SCMH1: variants seen among roughly 807,000 people sequenced by gnomAD.
SCMH1 encodes Scm polycomb group protein homolog 1.
Under a neutral mutation model 70.8 loss-of-function variants are expected in SCMH1, and 37 were observed. The observed-to-expected ratio is 0.52, with a 90% confidence interval of 0.40 to 0.69. The LOEUF (loss-of-function observed/expected upper bound fraction) is 0.69. Ranked by LOEUF, SCMH1 falls within the 30% of genes least tolerant of loss-of-function variation. The pLI, the probability that SCMH1 is intolerant of heterozygous loss-of-function variation, is 0.00. For missense variants in SCMH1, 607 were observed against 827.3 expected (o/e 0.73, Z 3.27); for synonymous variants, 292 against 307.4 (o/e 0.95, Z 0.52).
At chr1:41,059,646 G>A (rs1041837970) in intron 10 of SCMH1, among the ~76,000 whole-genome samples, 3 of 152,342 alleles carry the variant, frequency 2.0e-5, no homozygotes, top group Middle Eastern at 3.4e-3. Context: ...AGAGGGCACT[G>A]AGCTGGTTTA....
At chr1:41,036,671 A>G (rs562719039) in intron 13 of SCMH1, among the ~76,000 whole-genome samples, 3 of 152,350 alleles carry the variant, frequency 2.0e-5, no homozygotes, top group African/African-American at 4.8e-5. Context: ...AAGGTCTTCT[A>G]TGATATATGC....
At chr1:41,142,857 A>G (rs113954665) in intron 6 of SCMH1, 21 bp downstream of exon 6, 33 of 1,584,692 alleles carry the variant, frequency 2.1e-5, no homozygotes, top group Non-Finnish European at 6.1e-6. Flanking sequence ...GGCTAGAAAG[A>G]GTTTGGGTTT....
chr1:41,175,259 G>A (rs543179621), intron 2 of SCMH1, among the ~76,000 whole-genome samples: 30 of 152,272 alleles, frequency 2.0e-4, no homozygotes, highest in African/African-American at 5.8e-4. Context: ...GAATTATCTC[G>A]TTTCTTGAGC....
intron 1 of SCMH1, among the ~76,000 whole-genome samples, chr1:41,217,966 T>C (rs1024267665): frequency 2.0e-5 from 3 of 152,210 alleles, no homozygotes; most frequent in African/African-American, 4.8e-5. Context: ...TATCTTACCA[T>C]TGTATCTTGG....
Position 41,172,986 on chromosome 1 carries a change from GA to G in SCMH1, c.14-11555del, listed in dbSNP as rs371433309. The stretch of plus-strand genomic sequence containing the variant: ...AAGGCCTGAAACTATAAAACTACTA[GA>G]AAAAAAATGTAGGAGAAATGCTTCA... On this transcript the variant is annotated intron_variant, in intron 2 of 14. Transcript: ENST00000337495. Among the ~76,000 whole-genome samples, 278 of 151,726 alleles carry G rather than the reference GA, an allele frequency of 1.8e-3. 2 individuals carry two copies. In the East Asian group the frequency reaches 0.033, roughly 18 times the overall value.
At chr1:41,067,762 G>A (rs1571740004) in intron 10 of SCMH1, among the ~76,000 whole-genome samples, 2 of 152,106 alleles carry the variant, frequency 1.3e-5, no homozygotes, top group Non-Finnish European at 2.9e-5. Flanking sequence ...CCCACAGAAC[G>A]TAAAACACCA....
chr1:41,033,030 G>A (rs999873322), intron 13 of SCMH1, among the ~76,000 whole-genome samples: 3 of 151,380 alleles, frequency 2.0e-5, no homozygotes, highest in African/African-American at 7.3e-5. Flanking sequence ...AGTGGCTCAT[G>A]CCTATAATCC....
At chr1:41,224,252 T>C (rs1272343098) in intron 1 of SCMH1, among the ~76,000 whole-genome samples, 2 of 152,230 alleles carry the variant, frequency 1.3e-5, no homozygotes, top group Admixed American at 6.5e-5. Context: ...TACTGTATTA[T>C]AATTTATTTG....
chr1:41,066,397 G>C (rs1341209022), intron 10 of SCMH1, among the ~76,000 whole-genome samples: 1 of 152,154 alleles, frequency 6.6e-6, no homozygotes, highest in Non-Finnish European at 1.5e-5. Flanking sequence ...ATCTCAGCCA[G>C]GTAGGCTGCT....
chr1:41,084,963 T>C (rs541948451), intron 8 of SCMH1, among the ~76,000 whole-genome samples: 1 of 119,738 alleles, frequency 8.4e-6, no homozygotes, highest in Non-Finnish European at 1.7e-5. Flanking sequence ...AATATCACAC[T>C]CTGGGGACTG....
intron 2 of SCMH1, among the ~76,000 whole-genome samples, chr1:41,173,344 T>C (rs1383200237): frequency 6.6e-6 from 1 of 151,936 alleles, no homozygotes; most frequent in Non-Finnish European, 1.5e-5. Context: ...GACATAGAAA[T>C]GGCTAACAGG....
chr1:41,130,292 GAT>G (rs1364651572), intron 6 of SCMH1, among the ~76,000 whole-genome samples: 2 of 152,042 alleles, frequency 1.3e-5, no homozygotes, highest in African/African-American at 2.4e-5. Flanking sequence ...CCCCTTATCA[GAT>G]ATATGTTTTG....
intron 8 of SCMH1, among the ~76,000 whole-genome samples, chr1:41,090,323 AT>A: frequency 6.6e-6 from 1 of 152,166 alleles, no homozygotes; most frequent in East Asian, 1.9e-4. Context: ...AAAGAACATT[AT>A]TTTATATTTT....
At chr1:41,053,188 G>A (rs1648914156) in intron 10 of SCMH1, among the ~76,000 whole-genome samples, 1 of 151,176 alleles carries the variant, frequency 6.6e-6, no homozygotes, top group South Asian at 2.1e-4. Context: ...CGGCCAAATT[G>A]TATGCTTAAG....
chr1:41,152,830 T>A, intron 4 of SCMH1: 1 of 1,309,380 alleles, frequency 7.6e-7, no homozygotes, highest in Non-Finnish European at 1.0e-6. Context: ...TTTTATAGCT[T>A]CTGTTTTATA....
chr1:41,231,348 CAAAG>C (rs1661263814), intron 1 of SCMH1, among the ~76,000 whole-genome samples: 1 of 152,110 alleles, frequency 6.6e-6, no homozygotes, highest in African/African-American at 2.4e-5. Context: ...AATTAAATCT[CAAAG>C]AAATAACATC....
chr1:41,238,671 A>G (rs1391250657), intron 1 of SCMH1, among the ~76,000 whole-genome samples: 1 of 152,152 alleles, frequency 6.6e-6, no homozygotes, highest in East Asian at 1.9e-4. Context: ...ATTCCTTGTC[A>G]TACTCAGCTT....
chr1:41,083,296 T>C (rs536110361), intron 8 of SCMH1, among the ~76,000 whole-genome samples: 3 of 152,268 alleles, frequency 2.0e-5, no homozygotes, highest in South Asian at 2.1e-4. Context: ...ACAAAATCAA[T>C]GTACAAAAAT....
At chr1:41,177,054 C>T (rs1330204825) in intron 2 of SCMH1, among the ~76,000 whole-genome samples, 4 of 152,202 alleles carry the variant, frequency 2.6e-5, no homozygotes, top group Non-Finnish European at 4.4e-5. Flanking sequence ...TCCAGAGGAA[C>T]GATCAGGCAG....
Sources: allele counts gnomAD v4.1 joint callset (sites outside exome capture counted in the v4.1 genomes callset), GRCh38; gene constraint gnomAD v4.1.1; transcripts MANE v1.5; gene names NCBI Gene and HGNC (gene_info 2026-07-23, HGNC 2026-07-21).